Variants in ABCC3 observed in about 807,000 individuals in gnomAD.
ABCC3 encodes ATP binding cassette subfamily C member 3.
In ABCC3, 121 loss-of-function variants were observed where a neutral mutation model predicts 165.3. The ratio of observed to expected loss-of-function variants is 0.73; its 90% confidence interval spans 0.63 to 0.85. The LOEUF (loss-of-function observed/expected upper bound fraction) is 0.85. Among genes scored for constraint, ABCC3 ranks in the 40% least tolerant of loss-of-function variants. The pLI is 0.00. For synonymous variants in ABCC3, 733 were observed against 810.1 expected (o/e 0.90, Z 1.62); for missense variants, 1,869 against 1,964.1 (o/e 0.95, Z 0.92).
chr17:50,668,622 C>A, intron 14 of ABCC3, 105 bp downstream of exon 14: 1 of 941,930 alleles, frequency 1.1e-6, no homozygotes, highest in East Asian at 2.5e-5. Context: ...TCTTCTTCCT[C>A]TGTTCACATC....
At chr17:50,668,763 T>C in intron 14 of ABCC3, 90 bp from the exon 15 acceptor site, 1 of 1,062,238 alleles carries the variant, frequency 9.4e-7, no homozygotes, top group Non-Finnish European at 1.4e-6. Context: ...GCTCCTCCCC[T>C]GTCCTCCTTT....
chr17:50,656,991 G>T, intron 3 of ABCC3, 55 bp from the exon 4 acceptor site: 1 of 1,573,624 alleles, frequency 6.4e-7, no homozygotes, highest in Non-Finnish European at 8.6e-7. Context: ...GGGAGAAATG[G>T]AGGCAGGTCC....
intron 30 of ABCC3, 98 bp downstream of exon 30, chr17:50,687,828 T>A: frequency 7.9e-7 from 1 of 1,270,744 alleles, no homozygotes. Flanking sequence ...CAAGGCAATG[T>A]TCCTGGGATT....
In ABCC3 at chr17:50,663,734, T is replaced by A. The variant is rs746209818; in HGVS notation, c.1052T>A (p.Leu351Gln). The part of the protein sequence containing the change: ...NPMAPSWWGF[L>Q]VAGLMFLCSM... The stretch of plus-strand genomic sequence containing the variant: ...ATGGCCCCCTCCTGGTGGGGCTTCC[T>A]GGTGGCTGGGCTGATGTTCCTGTGC... The change falls in exon 9 of 31, where the codon CTG (leucine) becomes CAG (glutamine). Residue 351 changes from leucine (L) to glutamine (Q), a missense_variant. Transcript: ENST00000285238. 6.2e-7 allele frequency: 1 copy of A among 1,614,222 alleles called. No individual in the cohort carries two copies. Among genetic ancestry groups the A allele is most frequent in the South Asian group, 1.1e-5 (1 of 91,086 alleles).
At chr17:50,664,959 G>T (rs1007727400) in intron 10 of ABCC3, among the ~76,000 whole-genome samples, 194 bp from the exon 11 acceptor site, 1 of 152,096 alleles carries the variant, frequency 6.6e-6, no homozygotes, top group African/African-American at 2.4e-5. Flanking sequence ...CCCTGTCGTC[G>T]TTATCTAATG....
chr17:50,691,280 G>T lies in ABCC3; in HGVS notation c.*80G>T. The T allele has an allele frequency of 1.8e-6, 2 of 1,139,180 alleles. No homozygotes were observed. Among genetic ancestry groups the T allele is most frequent in the Non-Finnish European group, 2.6e-6 (2 of 763,194 alleles). The allele number at this position is 1,139,180 out of a possible 1,614,324, so 70.6% of individuals were successfully genotyped here. A position where few individuals can be genotyped will look rare whatever the true frequency, so the allele number is the denominator to read the frequency against. ...TGACACCAAATATGTCCGCAGAATG[G>T]ACTTGATAGCAAACACTGGGGGCAC... On this transcript the variant is annotated 3_prime_UTR_variant, in exon 31 of 31. Transcript: ENST00000285238.
In ABCC3 at chr17:50,644,213, A is replaced by T. The variant is rs1027424849; in HGVS notation, c.45+9232A>T. Among the ~76,000 whole-genome samples the T allele has an allele frequency of 6.8e-4, 99 of 146,206 alleles. 1 individual carries two copies. Among genetic ancestry groups the T allele is most frequent in the Non-Finnish European group, 2.8e-4 (19 of 66,762 alleles). ...GTAATCCCAGCTACTCAGGAGGCTG[A>T]GGCAGGAGAATCATTTGAACCCGGG... On this transcript the variant is annotated intron_variant, in intron 1 of 30. Transcript: ENST00000285238.
chr17:50,648,004 A>C (rs1236568603), intron 1 of ABCC3, among the ~76,000 whole-genome samples: 1 of 152,108 alleles, frequency 6.6e-6, no homozygotes, highest in Admixed American at 6.6e-5. Flanking sequence ...ACACCACTGC[A>C]CACCAGCCTG....
intron 29 of ABCC3, 73 bp from the exon 30 acceptor site, chr17:50,687,463 A>G: frequency 1.2e-5 from 18 of 1,472,094 alleles, no homozygotes; most frequent in Non-Finnish European, 1.7e-5. Flanking sequence ...GAGGAGTGAA[A>G]CAGGTCTGGG....
intron 17 of ABCC3, 80 bp from the exon 18 acceptor site, chr17:50,672,891 C>A: frequency 7.4e-7 from 1 of 1,348,434 alleles, no homozygotes; most frequent in Non-Finnish European, 1.0e-6. Flanking sequence ...AAAAATCTGC[C>A]ATCCCAAATA....
chr17:50,665,047 C>T, intron 10 of ABCC3, 106 bp from the exon 11 acceptor site: 2 of 921,190 alleles, frequency 2.2e-6, no homozygotes, highest in South Asian at 1.4e-5. Context: ...GCTTCCTGCC[C>T]ATCTACACAT....
In ABCC3 at chr17:50,675,554, T is replaced by C. The variant is rs1380638174; in HGVS notation, c.2715-77T>C. ...GGCCCTGCCAGATGGGGTGCAGGTT[T>C]CTCCCTGACACTCCCAGCCTCTGTC... On this transcript the variant is annotated intron_variant, in intron 20 of 30. Coordinates refer to ENST00000285238, the MANE Select transcript of ABCC3 (RefSeq NM_003786.4). 15 of 1,570,762 alleles carry C rather than the reference T, an allele frequency of 9.5e-6. No homozygotes were observed. In the African/African-American group the frequency reaches 2.0e-4, roughly 21 times the overall value.
Position 50,667,582 on chromosome 17 carries a change from G to C in ABCC3, c.1460G>C (p.Arg487Pro), listed in dbSNP as rs773586596. Reference sequence around the variant, plus strand: ...AAGCAAATGAAATTGAAGGACTCGCGCATCAAGCTGATGAGTGAGATCCTG... The same window carrying C: ...AAGCAAATGAAATTGAAGGACTCGCCCATCAAGCTGATGAGTGAGATCCTG... ...QVKQMKLKDS[R>P]IKLMSEILNG... Residue 487 changes from arginine (R) to proline (P), a missense_variant, in exon 12 of 31, where the codon CGC becomes CCC. By Grantham distance (103) the Arg-to-Pro change is moderately radical. Coordinates refer to ENST00000285238, the MANE Select transcript of ABCC3 (RefSeq NM_003786.4). 6.2e-7 allele frequency: 1 copy of C among 1,611,154 alleles called. No homozygotes were observed. Among genetic ancestry groups the C allele is most frequent in the Admixed American group, 1.7e-5 (1 of 59,972 alleles).
chr17:50,665,131 C>T, intron 10 of ABCC3, 22 bp from the exon 11 acceptor site: 1 of 1,608,634 alleles, frequency 6.2e-7, no homozygotes, highest in Non-Finnish European at 8.5e-7. Context: ...TATGTGTCAT[C>T]TATCCACCGG....
At position 50,642,083 on chromosome 17, in the gene ABCC3, G is replaced by C. The variant is rs1268646754; in HGVS notation, c.45+7102G>C. Among the ~76,000 whole-genome samples, 3 of 152,182 alleles carry C rather than the reference G, an allele frequency of 2.0e-5. No homozygotes were observed. The East Asian group carries it at 5.8e-4, about 29-fold the overall frequency. On this transcript the variant is annotated intron_variant, in intron 1 of 30. Coordinates refer to ENST00000285238, the MANE Select transcript of ABCC3 (RefSeq NM_003786.4). ...GTAGAATGGACAGGGTTTGCTGAGA[G>C]ACCGGATGTGGGATGTGAGAGAAAG...
rs1319439606 is a variant in ABCC3 at position 50,657,134 on chromosome 17, T to C, written c.437T>C (p.Val146Ala). Residue 146 changes from valine to alanine, a missense_variant, in exon 4 of 31, where the codon GTC becomes GCC. Val to Ala is a moderately conservative substitution (Grantham distance 64). Coordinates refer to ENST00000285238, the MANE Select transcript of ABCC3 (RefSeq NM_003786.4). ...VLIIFWFLCV[V>A]CAIVPFRSKI... ...ATTATCTTCTGGTTCCTGTGTGTGGTCTGCGCCATCGTCCCATTCCGCTCC... is the reference window on the plus strand; with the variant it reads ...ATTATCTTCTGGTTCCTGTGTGTGGCCTGCGCCATCGTCCCATTCCGCTCC... 6.2e-7 allele frequency: 1 copy of C among 1,614,158 alleles called. No individual in the cohort carries two copies. The highest frequency in any genetic ancestry group is 8.5e-7 in the Non-Finnish European group (1 of 1,180,022).
chr17:50,687,217 G>C (rs978384687), intron 29 of ABCC3: 2 of 368,202 alleles, frequency 5.4e-6, no homozygotes, highest in Non-Finnish European at 1.0e-5. Context: ...GGCTGATAGA[G>C]TGAAGCAGAG....
Position 50,676,592 on chromosome 17 carries a change from TG to T in ABCC3, c.3378+8del, listed in dbSNP as rs745943673. 3 of 1,366,120 alleles carry T rather than the reference TG, an allele frequency of 2.2e-6. No homozygotes were observed. Among genetic ancestry groups the T allele is most frequent in the East Asian group, 8.8e-5 (2 of 22,752 alleles). 84.6% of individuals were successfully genotyped at this position (1,366,120 alleles called of 1,614,324 possible). ...TGTGCTCTACACCTTAGTGCAGGTG[TG>T]GGGTGGGCGTGATTCCAGTGTGGGC... is the stretch of plus-strand genomic sequence containing the variant. On this transcript the variant is annotated splice_donor_5th_base_variant and intron_variant, in intron 23 of 30. Transcript: ENST00000285238.
chr17:50,673,750 G>A, intron 19 of ABCC3, 92 bp downstream of exon 19: 2 of 1,360,624 alleles, frequency 1.5e-6, no homozygotes, highest in African/African-American at 1.4e-5. Context: ...GCCTAGTGTT[G>A]TGCCAGGCAG....
Sources: allele counts gnomAD v4.1 joint callset (sites outside exome capture counted in the v4.1 genomes callset), GRCh38; gene constraint gnomAD v4.1.1; transcripts MANE v1.5; gene names NCBI Gene and HGNC (gene_info 2026-07-23, HGNC 2026-07-21).